Variants in USP8 observed in about 807,000 individuals in gnomAD.
The protein encoded by USP8 is ubiquitin specific peptidase 8, also known as ubiquitin carboxyl-terminal hydrolase 8.
In USP8, 27 loss-of-function variants were observed where a neutral mutation model predicts 130.0. The ratio of observed to expected loss-of-function variants is 0.21; its 90% CI spans 0.15 to 0.29. The LOEUF (loss-of-function observed/expected upper bound fraction) is 0.29. USP8 is among the 10% of genes least tolerant of loss of function. The pLI is 1.00. For synonymous variants in USP8, 392 were observed against 444.1 expected (o/e 0.88, Z 1.48); for missense variants, 1,029 against 1,312.2 (o/e 0.78, Z 3.33).
rs2052671481 is a variant in USP8, at chr15:50,506,980, A to T, written c.*7892A>T. On this transcript the variant is annotated 3_prime_UTR_variant, in exon 20 of 20. Coordinates refer to ENST00000307179, the MANE Select transcript of USP8 (RefSeq NM_005154.5). ...CTCAAAAAAAAAAAAAAAAAAAAAA[A>T]AAAAAAAAAATCCAGTTTTAGGCCA... The T allele has an allele frequency of 6.6e-6, 1 of 152,166 alleles. No homozygotes were observed. The highest frequency in any genetic ancestry group is 1.9e-4 in the East Asian group (1 of 5,196). 9.4% of individuals were successfully genotyped at this position (152,166 alleles called of 1,614,324 possible). A position where few individuals can be genotyped will look rare whatever the true frequency, so the allele number is the denominator to read the frequency against.
rs551890936 is a variant in USP8, at chr15:50,504,017, C to T, written c.*4929C>T. 6.6e-6 allele frequency: 1 copy of T among 152,034 alleles called. No homozygotes were observed. Among genetic ancestry groups the T allele is most frequent in the East Asian group, 1.9e-4 (1 of 5,190 alleles). The allele number at this position is 152,034 out of a possible 1,614,324, so 9.4% of individuals were successfully genotyped here. On this transcript the variant is annotated 3_prime_UTR_variant, in exon 20 of 20. Transcript: ENST00000307179. ...ATAGAATTTTCAGAAATGAGAAATACAACATAGTTGGCCGTCCATATTTAC... is the reference window on the plus strand; with the variant it reads ...ATAGAATTTTCAGAAATGAGAAATATAACATAGTTGGCCGTCCATATTTAC...
rs1012237179 is a variant in USP8 at position 50,508,726 on chromosome 15, A to T, written c.*9638A>T. The T allele has an allele frequency of 6.6e-6, 1 of 152,216 alleles. No homozygotes were observed. Among genetic ancestry groups the T allele is most frequent in the Non-Finnish European group, 1.5e-5 (1 of 68,050 alleles). The allele number at this position is 152,216 out of a possible 1,614,324, so 9.4% of individuals were successfully genotyped here. ...AATAATTTGGATGTTAGCCTGCCAC[A>T]GTGGTTCATGCCTATAATCCCTGCA... On this transcript the variant is annotated 3_prime_UTR_variant, in exon 20 of 20. Transcript: ENST00000307179.
Position 50,424,411 on chromosome 15 carries a change from G to C in USP8, c.-169G>C. 2.5e-6 allele frequency: 1 copy of C among 398,716 alleles called. No homozygotes were observed. Among genetic ancestry groups the C allele is most frequent in the Non-Finnish European group, 4.4e-6 (1 of 226,106 alleles). The allele number at this position is 398,716 out of a possible 1,614,324, so 24.7% of individuals were successfully genotyped here. On this transcript the variant is annotated 5_prime_UTR_variant, in exon 1 of 20. Coordinates refer to ENST00000307179, the MANE Select transcript of USP8 (RefSeq NM_005154.5). Reference sequence around the variant, plus strand: ...CAAATCGGGAAAAGGGGGTGAGCTGGGCTGGCTTCCGTCCTGGTAGCCAAG... The same window carrying C: ...CAAATCGGGAAAAGGGGGTGAGCTGCGCTGGCTTCCGTCCTGGTAGCCAAG...
rs369085185 is a variant in USP8 at position 50,511,088 on chromosome 15, A to C, written c.*12000A>C. ...CCACCGTGCCCGGCCGATGTACACC[A>C]ATGTTCTCTGTACAATTCTTTCAGA... On this transcript the variant is annotated 3_prime_UTR_variant, in exon 20 of 20. Transcript: ENST00000307179. The C allele has an allele frequency of 9.9e-5, 15 of 152,122 alleles. No individual in the cohort carries two copies. The highest frequency in any genetic ancestry group is 2.9e-4 in the African/African-American group (12 of 41,444). 9.4% of individuals were successfully genotyped at this position (152,122 alleles called of 1,614,324 possible). A position where few individuals can be genotyped will look rare whatever the true frequency, so the allele number is the denominator to read the frequency against.
chr15:50,478,763 A>G (rs147949030), intron 10 of USP8, among the ~76,000 whole-genome samples: 1 of 152,294 alleles, frequency 6.6e-6, no homozygotes, highest in East Asian at 1.9e-4. Flanking sequence ...TATATAAAAA[A>G]CAGCATGAGG....
At chr15:50,495,760 T>A (rs72738980) in intron 16 of USP8, 88 bp from the exon 17 acceptor site, 4 of 1,054,302 alleles carry the variant, frequency 3.8e-6, no homozygotes. Flanking sequence ...TTTCTAAATC[T>A]GGCAAGTGTT....
chr15:50,494,963 C>T (rs976622336), intron 16 of USP8, among the ~76,000 whole-genome samples: 9 of 150,256 alleles, frequency 6.0e-5, no homozygotes, highest in African/African-American at 2.0e-4. Context: ...TGCAGTGAGC[C>T]GAGATTGCAG....
intron 5 of USP8, among the ~76,000 whole-genome samples, chr15:50,459,615 T>C (rs906410964): frequency 1.3e-5 from 2 of 152,144 alleles, no homozygotes; most frequent in Non-Finnish European, 2.9e-5. Flanking sequence ...GAATTAAATA[T>C]TCTAGCCTCA....
In USP8 at chr15:50,462,245, G is replaced by A; in HGVS notation, c.499-35G>A. The A allele has an allele frequency of 5.1e-6, 8 of 1,577,180 alleles. No individual in the cohort carries two copies. In the South Asian group the frequency reaches 9.5e-5, roughly 19 times the overall value. On this transcript the variant is annotated intron_variant, in intron 5 of 19. Coordinates refer to ENST00000307179, the MANE Select transcript of USP8 (RefSeq NM_005154.5). ...TTAAAGTTGAATTTTTTGTGTCTAT[G>A]AAAGTTGAAACTTTTTTTTTTTCCT...
intron 16 of USP8, among the ~76,000 whole-genome samples, chr15:50,495,355 TATATAG>T (rs1354130047): frequency 2.8e-5 from 2 of 71,902 alleles, no homozygotes; most frequent in Non-Finnish European, 6.0e-5. Flanking sequence ...CATATATACA[TATATAG>T]AGAGAGAGAG....
At position 50,427,591 on chromosome 15, in the gene USP8, C is replaced by G. The variant is rs752736479; in HGVS notation, c.-66+3077C>G. 3.7e-4 allele frequency among the ~76,000 whole-genome samples: 42 copies of G among 114,574 alleles called. 1 individual carries two copies. The highest frequency in any genetic ancestry group is 5.8e-4 in the Non-Finnish European group (35 of 60,096). 75.2% of individuals were successfully genotyped at this position (114,574 alleles called of 152,430 possible). ...TTTTTTTTTTTTTTTGAGACGGAGT[C>G]TTGCTCTGTCTTCTAGGCTGGAGTG... On this transcript the variant is annotated intron_variant, in intron 1 of 19. Transcript: ENST00000307179.
At chr15:50,484,093 A>G (rs1390073605) in intron 11 of USP8, among the ~76,000 whole-genome samples, 182 bp from the exon 12 acceptor site, 2 of 151,926 alleles carry the variant, frequency 1.3e-5, no homozygotes, top group Admixed American at 1.3e-4. Flanking sequence ...CTGATTCATC[A>G]GAGTTCTTTA....
In USP8 at chr15:50,513,332, T is replaced by G. The variant is rs369155605; in HGVS notation, c.*14244T>G. The G allele has an allele frequency of 6.6e-5, 10 of 152,130 alleles. No homozygotes were observed. Among genetic ancestry groups the G allele is most frequent in the African/African-American group, 2.4e-4 (10 of 41,426 alleles). The allele number at this position is 152,130 out of a possible 1,614,324, so 9.4% of individuals were successfully genotyped here. On this transcript the variant is annotated 3_prime_UTR_variant, in exon 20 of 20. Coordinates refer to ENST00000307179, the MANE Select transcript of USP8 (RefSeq NM_005154.5). ...AGGAAAATGGATAATTTATGATATA[T>G]TCACACAATATACATCATAGGCTAG...
chr15:50,478,554 G>A (rs536763289), intron 10 of USP8, among the ~76,000 whole-genome samples: 1 of 152,170 alleles, frequency 6.6e-6, no homozygotes, highest in African/African-American at 2.4e-5. Context: ...AGGTCTTTTA[G>A]TATTGCAGAA....
At chr15:50,492,096 A>G (rs1398215152) in intron 14 of USP8, among the ~76,000 whole-genome samples, 2 of 152,068 alleles carry the variant, frequency 1.3e-5, no homozygotes, top group Non-Finnish European at 2.9e-5. Context: ...TCCTGACCTC[A>G]GGTGATCTGC....
intron 8 of USP8, among the ~76,000 whole-genome samples, chr15:50,474,162 A>AATTTT (rs1214583487): frequency 2.0e-5 from 3 of 151,744 alleles, no homozygotes; most frequent in Admixed American, 6.6e-5. Flanking sequence ...CATCCTAGCT[A>AATTTT]ATTTTATTTT....
Position 50,459,262 on chromosome 15 carries a change from C to T in USP8, c.498+100C>T, listed in dbSNP as rs1002353163. On this transcript the variant is annotated intron_variant, in intron 5 of 19. Coordinates refer to ENST00000307179, the MANE Select transcript of USP8 (RefSeq NM_005154.5). ...ACCACTATAAAGTTCTTTTAGGCAA[C>T]AAGGATGAAATTTAATGTTTTAATT... 156 of 1,413,034 alleles carry T rather than the reference C, an allele frequency of 1.1e-4. No homozygotes were observed. In the Middle Eastern group the frequency reaches 2.6e-3, roughly 23 times the overall value. 87.5% of individuals were successfully genotyped at this position (1,413,034 alleles called of 1,614,324 possible).
intron 1 of USP8, among the ~76,000 whole-genome samples, chr15:50,436,019 CATT>C (rs1219876549): frequency 1.3e-5 from 2 of 152,142 alleles, no homozygotes; most frequent in African/African-American, 4.8e-5. Flanking sequence ...TCCCTAGGAT[CATT>C]ATAATAGATA....
At position 50,457,368 on chromosome 15, in the gene USP8, G is replaced by C. The variant is rs1021268336; in HGVS notation, c.336-1632G>C. On this transcript the variant is annotated intron_variant, in intron 4 of 19. Transcript: ENST00000307179. ...AGGTCAGGAGTTCGAGACCAGCCTG[G>C]CCAACATAGTGAAACCCCACCTCTA... 5.9e-5 allele frequency among the ~76,000 whole-genome samples: 9 copies of C among 152,016 alleles called. No individual in the cohort carries two copies. In the South Asian group the frequency reaches 1.9e-3, roughly 32 times the overall value.
Sources: gnomAD v4.1 joint callset for allele counts (sites outside exome capture counted in the v4.1 genomes callset) on GRCh38, gnomAD v4.1.1 for gene constraint, MANE v1.5 for transcripts, NCBI Gene and HGNC (gene_info 2026-07-23, HGNC 2026-07-21) for gene names.